DNAH7: variants seen among roughly 807,000 people sequenced by gnomAD.
DNAH7 encodes dynein axonemal heavy chain 7, also known as axonemal beta dynein heavy chain 7.
In DNAH7, 397 loss-of-function variants were observed where a neutral mutation model predicts 444.6. The observed-to-expected ratio is 0.89, with a 90% confidence interval of 0.82 to 0.97. The LOEUF (loss-of-function observed/expected upper bound fraction) is 0.97. Ranked by LOEUF, DNAH7 falls within the 50% of genes least tolerant of loss-of-function variation. The pLI, the probability that DNAH7 is intolerant of heterozygous loss-of-function variation, is 0.00. For missense variants in DNAH7, 4,902 were observed against 4,800.8 expected (o/e 1.02, Z -0.62); for synonymous variants, 1,636 against 1,624.4 (o/e 1.01, Z -0.17).
chr2:196,049,776 A>G, intron 3 of DNAH7, among the ~76,000 whole-genome samples: 1 of 152,374 alleles, frequency 6.6e-6, no homozygotes, highest in African/African-American at 2.4e-5. Flanking sequence ...GCCCACAAGC[A>G]AGAATTATTA....
In DNAH7 at chr2:195,934,601, G is replaced by A; in HGVS notation, c.3461C>T (p.Ser1154Phe). ...LVELERVMIN[S>F]IHKVTGDATF... Reference sequence around the variant, plus strand: ...AGTATAATCAGCTACCTTGTGGATGGAGTTAATCATAACTCTCTCTAATTC... The same window carrying A: ...AGTATAATCAGCTACCTTGTGGATGAAGTTAATCATAACTCTCTCTAATTC... Residue 1154 changes from serine to phenylalanine, a missense_variant, in exon 21 of 65, where the codon TCC becomes TTC. By Grantham distance (155) the Ser-to-Phe change is radical. Transcript: ENST00000312428. 6.2e-7 allele frequency: 1 copy of A among 1,613,982 alleles called. No homozygotes were observed. Among genetic ancestry groups the A allele is most frequent in the Non-Finnish European group, 8.5e-7 (1 of 1,179,914 alleles).
chr2:195,883,662 A>T (rs1701551062), intron 35 of DNAH7, among the ~76,000 whole-genome samples: 1 of 152,196 alleles, frequency 6.6e-6, no homozygotes, highest in African/African-American at 2.4e-5. Flanking sequence ...ACTACCCTGA[A>T]AATGCAGGGT....
At position 195,919,016 on chromosome 2, in the gene DNAH7, C is replaced by T. The variant is rs183523645; in HGVS notation, c.3935+3072G>A. Among the ~76,000 whole-genome samples the T allele has an allele frequency of 2.1e-4, 32 of 151,992 alleles. 1 individual carries two copies. Among genetic ancestry groups the T allele is most frequent in the Admixed American group, 2.6e-4 (4 of 15,248 alleles). On this transcript the variant is annotated intron_variant, in intron 24 of 64. Coordinates refer to ENST00000312428, the MANE Select transcript of DNAH7 (RefSeq NM_018897.3). Reference sequence around the variant, plus strand: ...GTGTAATCCCAGCACTTTGGGAGCCCGAGGCTGGCAGATCACGAGGTCAGG... The same window carrying T: ...GTGTAATCCCAGCACTTTGGGAGCCTGAGGCTGGCAGATCACGAGGTCAGG...
At chr2:195,831,102 CAA>C (rs750035616) in intron 48 of DNAH7, among the ~76,000 whole-genome samples, 2 of 151,862 alleles carry the variant, frequency 1.3e-5, no homozygotes, top group Admixed American at 6.6e-5. Context: ...GCTGTTGATA[CAA>C]AGTTTTTTTT....
chr2:196,043,933 G>A (rs1189993692), intron 5 of DNAH7, among the ~76,000 whole-genome samples: 2 of 151,586 alleles, frequency 1.3e-5, no homozygotes, highest in Admixed American at 6.6e-5. Flanking sequence ...TGTTGAAAAG[G>A]GAACACTTTT....
At chr2:195,782,072 A>G (rs141783988) in intron 58 of DNAH7, among the ~76,000 whole-genome samples, 1,986 of 152,036 alleles carry the variant, frequency 0.013, 30 homozygotes, top group Non-Finnish European at 0.015. Context: ...TGTCAAGTAG[A>G]TAATATATAT....
At position 195,771,557 on chromosome 2, in the gene DNAH7, C is replaced by G. The variant is rs928584975; in HGVS notation, c.11433+103G>C. ...TCTAATCTTATTTATCCCCAGAACC[C>G]AAAACAGTGCTTATACAGTATTTGT... On this transcript the variant is annotated intron_variant, in intron 61 of 64. Coordinates refer to ENST00000312428, the MANE Select transcript of DNAH7 (RefSeq NM_018897.3). 38 of 863,354 alleles carry G rather than the reference C, an allele frequency of 4.4e-5. No homozygotes were observed. The African/African-American group carries it at 6.3e-4, about 14-fold the overall frequency. 53.5% of individuals were successfully genotyped at this position (863,354 alleles called of 1,614,324 possible). A position where few individuals can be genotyped will look rare whatever the true frequency, so the allele number is the denominator to read the frequency against.
intron 57 of DNAH7, among the ~76,000 whole-genome samples, chr2:195,788,732 A>T (rs1330682409): frequency 6.6e-6 from 1 of 152,248 alleles, no homozygotes; most frequent in Non-Finnish European, 1.5e-5. Flanking sequence ...GGGACATACA[A>T]ATATGGAATG....
rs201569053 is a variant in DNAH7, at chr2:195,738,078, T to C, written c.11918A>G (p.Tyr3973Cys). Residue 3973 changes from tyrosine (Y) to cysteine (C), a missense_variant, in exon 65 of 65, where the codon TAT becomes TGT. By Grantham distance (194) the Tyr-to-Cys change is radical. Transcript: ENST00000312428. ...KRADIPKRPS[Y>C]VAPLYKTSER... The stretch of plus-strand genomic sequence containing the variant: ...ACTTGTCTTATACAATGGAGCAACA[T>C]AACTTGGCCGTTTTGGTATATCTGC... 2,172 of 1,613,982 alleles carry C rather than the reference T, an allele frequency of 1.3e-3. 1 individual carries two copies. The highest frequency in any genetic ancestry group is 1.7e-3 in the Non-Finnish European group (2,039 of 1,179,848).
At chr2:195,908,055 A>G (rs1306659876) in intron 25 of DNAH7, among the ~76,000 whole-genome samples, 1 of 152,114 alleles carries the variant, frequency 6.6e-6, no homozygotes, top group Non-Finnish European at 1.5e-5. Flanking sequence ...AATACTAATA[A>G]GCAAATTTAA....
In DNAH7 at chr2:195,864,227, A is replaced by G. The variant is rs747122863; in HGVS notation, c.7428T>C (p.Ser2476=). 1 of 1,614,146 alleles carries G rather than the reference A, an allele frequency of 6.2e-7. No individual in the cohort carries two copies. Among genetic ancestry groups the G allele is most frequent in the South Asian group, 1.1e-5 (1 of 91,080 alleles). The change falls in exon 41 of 65, where the codon AGT becomes AGC. Residue 2476 remains serine, a synonymous_variant. Coordinates refer to ENST00000312428, the MANE Select transcript of DNAH7 (RefSeq NM_018897.3). ...RSQLHVVLAM[S]PIGDAFRNRL... is the part of the protein sequence containing the mutation. ...GATTCCGAAATGCATCTCCAATGGG[A>G]CTCATGGCAAGGACCACATGCAGTT...
At chr2:196,010,203 G>A (rs1694645495) in intron 10 of DNAH7, among the ~76,000 whole-genome samples, 1 of 150,946 alleles carries the variant, frequency 6.6e-6, no homozygotes, top group Non-Finnish European at 1.5e-5. Flanking sequence ...AGGCTGGAGT[G>A]CAGTGGTGTG....
intron 1 of DNAH7, among the ~76,000 whole-genome samples, chr2:196,066,033 T>C (rs896937536): frequency 6.6e-6 from 1 of 152,264 alleles, no homozygotes; most frequent in African/African-American, 2.4e-5. Flanking sequence ...TCCTGACTAA[T>C]ATAATTTTAC....
At chr2:195,765,885 A>T (rs943744417) in intron 61 of DNAH7, among the ~76,000 whole-genome samples, 6 of 152,136 alleles carry the variant, frequency 3.9e-5, no homozygotes, top group African/African-American at 1.4e-4. Flanking sequence ...ATATATACCC[A>T]AAGAAAGGAA....
chr2:195,867,897 A>T (rs118068667), intron 40 of DNAH7, among the ~76,000 whole-genome samples: 1 of 152,220 alleles, frequency 6.6e-6, no homozygotes, highest in East Asian at 1.9e-4. Context: ...ATATTCATGT[A>T]CAAGTTTTTG....
intron 64 of DNAH7, among the ~76,000 whole-genome samples, chr2:195,738,958 T>TTCATAAGGGGGATCCACA (rs960697783): frequency 1.3e-5 from 2 of 152,150 alleles, no homozygotes; most frequent in African/African-American, 4.8e-5. Flanking sequence ...AATCCAGATT[T>TTCATAAGGGGGATCCACA]TCATAAGGGG....
intron 24 of DNAH7, among the ~76,000 whole-genome samples, chr2:195,914,863 T>A (rs897091472): frequency 2.0e-5 from 3 of 152,120 alleles, no homozygotes; most frequent in African/African-American, 7.2e-5. Flanking sequence ...GGTTTCACCA[T>A]GTTGGCTAGG....
chr2:195,886,679 T>A (rs1701731637), intron 33 of DNAH7, among the ~76,000 whole-genome samples: 1 of 152,202 alleles, frequency 6.6e-6, no homozygotes, highest in Admixed American at 6.5e-5. Flanking sequence ...GGTAAACTCA[T>A]CACTATGAAA....
At chr2:195,887,934 G>A (rs1271931714) in intron 33 of DNAH7, among the ~76,000 whole-genome samples, 1 of 151,818 alleles carries the variant, frequency 6.6e-6, no homozygotes, top group Non-Finnish European at 1.5e-5. Flanking sequence ...CTTATTTTAG[G>A]AACTTTGGAT....
Sources: allele counts gnomAD v4.1 joint callset (sites outside exome capture counted in the v4.1 genomes callset), GRCh38; gene constraint gnomAD v4.1.1; transcripts MANE v1.5; gene names NCBI Gene and HGNC (gene_info 2026-07-23, HGNC 2026-07-21).